Variants in BACE2 observed in about 807,000 individuals in gnomAD.
BACE2 encodes 56 kDa aspartic-like protease.
In BACE2, 17 loss-of-function variants were observed where a neutral mutation model predicts 46.2. That is an observed-to-expected ratio of 0.37 (90% confidence interval 0.25 to 0.55). The LOEUF (loss-of-function observed/expected upper bound fraction) is 0.55. BACE2 is among the 20% of genes least tolerant of loss of function. BACE2 has a pLI of 0.82. For synonymous variants in BACE2, 277 were observed against 295.9 expected (o/e 0.94, Z 0.66); for missense variants, 595 against 698.1 (o/e 0.85, Z 1.66).
intron 8 of BACE2, among the ~76,000 whole-genome samples, chr21:41,273,269 G>A (rs1478152029): frequency 6.6e-6 from 1 of 152,240 alleles, no homozygotes; most frequent in African/African-American, 2.4e-5. Flanking sequence ...TCAGGAGACA[G>A]GGTTTGAGAG....
chr21:41,204,067 A>G (rs939401390), intron 1 of BACE2, among the ~76,000 whole-genome samples: 2 of 152,184 alleles, frequency 1.3e-5, no homozygotes, highest in African/African-American at 4.8e-5. Context: ...CCCAGGCTGG[A>G]GTGCAGTGGT....
chr21:41,226,705 C>T (rs1013898374), intron 2 of BACE2, among the ~76,000 whole-genome samples: 1 of 152,150 alleles, frequency 6.6e-6, no homozygotes, highest in Non-Finnish European at 1.5e-5. Context: ...TGGGCTGGAG[C>T]AGGGGACGAG....
At chr21:41,217,002 G>T (rs1269111440) in intron 1 of BACE2, among the ~76,000 whole-genome samples, 1 of 152,176 alleles carries the variant, frequency 6.6e-6, no homozygotes, top group East Asian at 1.9e-4. Context: ...TGCGATCTTG[G>T]CTTACTGCAA....
intron 1 of BACE2, among the ~76,000 whole-genome samples, chr21:41,211,425 T>A (rs944335727): frequency 6.6e-6 from 1 of 152,238 alleles, no homozygotes; most frequent in Non-Finnish European, 1.5e-5. Flanking sequence ...CCCCTCCCTT[T>A]ATAAAAACAA....
chr21:41,253,464 G>A (rs11911600), intron 7 of BACE2, among the ~76,000 whole-genome samples: 4,448 of 149,118 alleles, frequency 0.03, 236 homozygotes, highest in African/African-American at 0.1. Flanking sequence ...AAAAAATCAC[G>A]TGCTCTTGAT....
chr21:41,170,361 T>C (rs577500318), intron 1 of BACE2, among the ~76,000 whole-genome samples: 29 of 152,340 alleles, frequency 1.9e-4, no homozygotes, highest in Admixed American at 1.7e-3. Context: ...AAGGCAGTAG[T>C]TGGTTCAAGA....
chr21:41,174,138 C>CTTTTTTTTTTTTTTTTTTTTTTTTTT lies in BACE2; in HGVS notation c.312+5563_312+5564insTTTTTTTTTTTTTTTTTTTTTTTTTT, dbSNP rs1568853912. On this transcript the variant is annotated intron_variant, in intron 1 of 8. Transcript: ENST00000330333. ...TAAGGATAGCTGTTGTGATCAGTGG[C>CTTTTTTTTTTTTTTTTTTTTTTTTTT]CTTTTTTTTTTTTTTTTTTTTTTTT... 1.3e-4 allele frequency among the ~76,000 whole-genome samples: 9 copies of CTTTTTTTTTTTTTTTTTTTTTTTTTT among 70,648 alleles called. 1 individual carries two copies. Among genetic ancestry groups the CTTTTTTTTTTTTTTTTTTTTTTTTTT allele is most frequent in the East Asian group, 1.1e-3 (2 of 1,816 alleles). The allele number at this position is 70,648 out of a possible 152,430, so 46.3% of individuals were successfully genotyped here.
chr21:41,187,599 T>C (rs1471790488), intron 1 of BACE2, among the ~76,000 whole-genome samples: 1 of 152,236 alleles, frequency 6.6e-6, no homozygotes. Context: ...CTCTAACTCA[T>C]GAAAGCCTCT....
chr21:41,215,892 G>GGT (rs143517319), intron 1 of BACE2, among the ~76,000 whole-genome samples: 18,307 of 151,722 alleles, frequency 0.12, 2,494 homozygotes, highest in African/African-American at 0.34. Flanking sequence ...GGGCTAGGCT[G>GGT]GTGTGTGTGT....
chr21:41,212,179 C>T lies in BACE2; in HGVS notation c.313-14087C>T, dbSNP rs537461579. The stretch of plus-strand genomic sequence containing the variant: ...GTTTTGGGAGCTGGAAGTCCAAGAC[C>T]CAGGCACTGGCAGATTGAGGTCTAG... On this transcript the variant is annotated intron_variant, in intron 1 of 8. Transcript: ENST00000330333. 2.6e-5 allele frequency among the ~76,000 whole-genome samples: 4 copies of T among 152,298 alleles called. No homozygotes were observed. The South Asian group carries it at 8.3e-4, about 32-fold the overall frequency.
Position 41,275,424 on chromosome 21 carries a change from G to A in BACE2, c.1357G>A (p.Val453Ile), listed in dbSNP as rs1475005325. ...EISGPFSTED[V>I]ASNCVPAQSL... Reference sequence around the variant, plus strand: ...TTCCGGGCCTTTCTCAACAGAGGATGTAGCCAGCAACTGTGTCCCCGCTCA... The same window carrying A: ...TTCCGGGCCTTTCTCAACAGAGGATATAGCCAGCAACTGTGTCCCCGCTCA... The change falls in exon 9 of 9, where the codon GTA becomes ATA. Residue 453 changes from valine to isoleucine, a missense_variant. Around this residue, in one of 3 missense-constraint regions of BACE2, gnomAD observed 343 missense variants for 419.4 expected, o/e 0.82. Transcript: ENST00000330333. 3.7e-6 allele frequency: 6 copies of A among 1,614,092 alleles called. No individual in the cohort carries two copies. Among genetic ancestry groups the A allele is most frequent in the Non-Finnish European group, 4.2e-6 (5 of 1,180,044 alleles).
At chr21:41,236,040 A>G (rs1055930095) in intron 2 of BACE2, among the ~76,000 whole-genome samples, 3 of 152,248 alleles carry the variant, frequency 2.0e-5, no homozygotes, top group Non-Finnish European at 4.4e-5. Context: ...GGATCGCTTT[A>G]GTATGATCTA....
intron 8 of BACE2, among the ~76,000 whole-genome samples, chr21:41,261,341 T>C (rs10483075): frequency 0.076 from 11,587 of 152,286 alleles, 513 homozygotes; most frequent in South Asian, 0.15. Context: ...ACATTTTAGT[T>C]GATTACTTTC....
chr21:41,204,306 G>T (rs1986058148), intron 1 of BACE2, among the ~76,000 whole-genome samples: 2 of 152,206 alleles, frequency 1.3e-5, no homozygotes, highest in Admixed American at 1.3e-4. Flanking sequence ...CCCCCAAAAT[G>T]CAGGGATTAC....
At chr21:41,251,181 G>A (rs991015750) in intron 7 of BACE2, among the ~76,000 whole-genome samples, 1 of 152,198 alleles carries the variant, frequency 6.6e-6, no homozygotes, top group East Asian at 1.9e-4. Context: ...CTGGTGGCGA[G>A]GTGGATGGAG....
chr21:41,235,504 T>C (rs1987091107), intron 2 of BACE2, among the ~76,000 whole-genome samples: 1 of 152,200 alleles, frequency 6.6e-6, no homozygotes, highest in Non-Finnish European at 1.5e-5. Context: ...TAAAGATAGT[T>C]AACATTTTTG....
chr21:41,173,966 T>A (rs1312155026), intron 1 of BACE2, among the ~76,000 whole-genome samples: 1 of 151,794 alleles, frequency 6.6e-6, no homozygotes, highest in Non-Finnish European at 1.5e-5. Context: ...CAGGATATAT[T>A]TAATATGAAA....
intron 6 of BACE2, among the ~76,000 whole-genome samples, chr21:41,248,090 G>A (rs947524842): frequency 2.0e-5 from 3 of 152,168 alleles, no homozygotes; most frequent in Admixed American, 1.3e-4. Flanking sequence ...AACCTGGAGC[G>A]GGGAGTGTTG....
chr21:41,211,495 G>A (rs528837233), intron 1 of BACE2, among the ~76,000 whole-genome samples: 1 of 152,212 alleles, frequency 6.6e-6, no homozygotes, highest in Non-Finnish European at 1.5e-5. Flanking sequence ...TCTTCAACAA[G>A]ATGTGTTTAA....
Sources: allele counts gnomAD v4.1 joint callset (sites outside exome capture counted in the v4.1 genomes callset), GRCh38; gene constraint gnomAD v4.1.1; regional missense constraint gnomAD v4.1.1; transcripts MANE v1.5; gene names NCBI Gene and HGNC (gene_info 2026-07-23, HGNC 2026-07-21).